Variants in INPP4B observed in about 807,000 individuals in gnomAD.
INPP4B encodes inositol polyphosphate 4-phosphatase type II.
INPP4B carries 55 observed loss-of-function variants against 122.5 expected under a neutral mutation model. The observed-to-expected ratio is 0.45, with a 90% CI of 0.36 to 0.56. The LOEUF (loss-of-function observed/expected upper bound fraction) is 0.56, where lower values mean the gene tolerates loss of function less well. Ranked by LOEUF, INPP4B falls within the 20% of genes least tolerant of loss-of-function variation. INPP4B has a pLI of 0.00. For missense variants in INPP4B, 1,000 were observed against 1,097.7 expected (o/e 0.91, Z 1.26); for synonymous variants, 403 against 388.7 (o/e 1.04, Z -0.43).
chr4:142,061,939 T>TATATATATA (rs1560980830), intron 25 of INPP4B, among the ~76,000 whole-genome samples: 2 of 104,898 alleles, frequency 1.9e-5, no homozygotes, highest in African/African-American at 8.2e-5. Flanking sequence ...TATATATATA[T>TATATATATA]ATCTGTAACT....
chr4:142,495,668 C>T (rs888647220), intron 2 of INPP4B, among the ~76,000 whole-genome samples: 3 of 152,050 alleles, frequency 2.0e-5, no homozygotes, highest in South Asian at 2.1e-4. Context: ...TCACCATTAC[C>T]GATTTTACCA....
chr4:142,080,559 T>C (rs1354613221), intron 25 of INPP4B, among the ~76,000 whole-genome samples: 1 of 152,160 alleles, frequency 6.6e-6, no homozygotes, highest in Non-Finnish European at 1.5e-5. Context: ...CATGAGCAAA[T>C]GTATTGCATA....
At chr4:142,537,423 T>TAG (rs1476285253) in intron 2 of INPP4B, among the ~76,000 whole-genome samples, 20 of 48,006 alleles carry the variant, frequency 4.2e-4, no homozygotes, top group Non-Finnish European at 6.1e-4. Context: ...TATATATATA[T>TAG]ATATATAGAG....
At chr4:142,846,411 G>A (rs1463731883), upstream of INPP4B, 1 of 152,466 alleles carries the variant, frequency 6.6e-6, no homozygotes, top group African/African-American at 2.4e-5. The surrounding 1 kb of genome is among the most constrained non-coding windows in gnomAD (Gnocchi z 5.1). Context: ...CGCCGGCCGC[G>A]GCTTCGCGAG....
chr4:142,107,580 G>A (rs955214920), intron 23 of INPP4B, among the ~76,000 whole-genome samples: 1 of 152,000 alleles, frequency 6.6e-6, no homozygotes, highest in Non-Finnish European at 1.5e-5. Flanking sequence ...TTAAAGGCTT[G>A]GGTGCCTTAA....
intron 17 of INPP4B, among the ~76,000 whole-genome samples, chr4:142,150,610 CA>C (rs1411132406): frequency 1.3e-5 from 2 of 152,164 alleles, no homozygotes; most frequent in African/African-American, 4.8e-5. Context: ...GGGGAACCAG[CA>C]GCAATATTTA....
In INPP4B at chr4:142,206,322, A is replaced by G. The variant is rs1340773529; in HGVS notation, c.1072+2103T>C. On this transcript the variant is annotated intron_variant, in intron 14 of 25. Coordinates refer to ENST00000262992, the MANE Select transcript of INPP4B (RefSeq NM_001101669.3). The stretch of plus-strand genomic sequence containing the variant: ...ACACATTCAGGCCACAGCAGCTTCT[A>G]AATGCCTTGGGCCCATCCATCTCTC... 1.1e-4 allele frequency among the ~76,000 whole-genome samples: 17 copies of G among 148,884 alleles called. No homozygotes were observed. The Admixed American group carries it at 1.1e-3, about 10-fold the overall frequency.
At chr4:142,308,993 C>T (rs1764450002) in intron 8 of INPP4B, among the ~76,000 whole-genome samples, 1 of 152,084 alleles carries the variant, frequency 6.6e-6, no homozygotes, top group Non-Finnish European at 1.5e-5. Flanking sequence ...CTTATGAAGT[C>T]TGCGGTCTTG....
rs1330896601 is a variant in INPP4B at position 142,026,652 on chromosome 4, A to AGAT, written c.*2127_*2129dup. The AGAT allele has an allele frequency of 3.3e-5, 5 of 152,334 alleles. No individual in the cohort carries two copies. The highest frequency in any genetic ancestry group is 1.2e-4 in the African/African-American group (5 of 41,576). The allele number at this position is 152,334 out of a possible 1,614,324, so 9.4% of individuals were successfully genotyped here. On this transcript the variant is annotated 3_prime_UTR_variant, in exon 26 of 26. Coordinates refer to ENST00000262992, the MANE Select transcript of INPP4B (RefSeq NM_001101669.3). ...CAGCTAATTTTTGTATCTTTAGTAG[A>AGAT]GATGGGGTTTCACCATGTTGGCCAG...
At chr4:142,085,192 G>C (rs554269800) in intron 24 of INPP4B, among the ~76,000 whole-genome samples, 207 of 152,222 alleles carry the variant, frequency 1.4e-3, no homozygotes, top group African/African-American at 4.8e-3. Flanking sequence ...ATTTCATATG[G>C]GCTCATGGTA....
At chr4:142,280,162 A>T (rs529650745) in intron 9 of INPP4B, among the ~76,000 whole-genome samples, 174 of 151,996 alleles carry the variant, frequency 1.1e-3, no homozygotes, top group Non-Finnish European at 2.0e-3. Context: ...TTAAACACAC[A>T]CTTACATAAA....
intron 2 of INPP4B, among the ~76,000 whole-genome samples, chr4:142,648,570 G>A (rs923009139): frequency 2.0e-5 from 3 of 152,230 alleles, no homozygotes. Flanking sequence ...ATCACTGCCA[G>A]TGCAGCAATA....
At chr4:142,180,101 C>T (rs1234111780) in intron 15 of INPP4B, among the ~76,000 whole-genome samples, 3 of 152,118 alleles carry the variant, frequency 2.0e-5, no homozygotes, top group African/African-American at 7.2e-5. Context: ...TGACTGCAAA[C>T]AGGCATGAGA....
intron 9 of INPP4B, among the ~76,000 whole-genome samples, chr4:142,282,188 A>AAC (rs1398713671): frequency 6.6e-6 from 1 of 152,030 alleles, no homozygotes; most frequent in African/African-American, 2.4e-5. Flanking sequence ...ATGACATTTG[A>AAC]ACACACACCT....
At chr4:142,584,993 G>A (rs1012235769) in intron 2 of INPP4B, among the ~76,000 whole-genome samples, 1 of 152,076 alleles carries the variant, frequency 6.6e-6, no homozygotes, top group African/African-American at 2.4e-5. Context: ...AATTCTTCCA[G>A]CTTTGACCAC....
intron 11 of INPP4B, among the ~76,000 whole-genome samples, chr4:142,255,418 T>TA (rs1260539190): frequency 2.0e-5 from 3 of 152,050 alleles, no homozygotes; most frequent in Admixed American, 6.6e-5. Flanking sequence ...GCAAATTGGA[T>TA]AAAGAGTCAA....
intron 5 of INPP4B, among the ~76,000 whole-genome samples, chr4:142,410,477 G>A (rs1276393466): frequency 6.6e-6 from 1 of 152,138 alleles, no homozygotes. Context: ...ACAAAGCAGT[G>A]GCCACAGGTG....
chr4:142,751,138 CT>C (rs1769626425), intron 1 of INPP4B, among the ~76,000 whole-genome samples: 1 of 151,776 alleles, frequency 6.6e-6, no homozygotes, highest in Non-Finnish European at 1.5e-5. Flanking sequence ...CCCATGTAAG[CT>C]CCATGTTAGA....
intron 17 of INPP4B, among the ~76,000 whole-genome samples, chr4:142,151,783 C>G (rs1814063441): frequency 6.6e-6 from 1 of 152,132 alleles, no homozygotes; most frequent in Admixed American, 6.5e-5. Flanking sequence ...CAAAATGAAA[C>G]CTTTATCCAG....
Sources: allele counts gnomAD v4.1 joint callset (sites outside exome capture counted in the v4.1 genomes callset), GRCh38; gene constraint gnomAD v4.1.1; non-coding constraint Gnocchi (gnomAD v3.1); transcripts MANE v1.5; gene names NCBI Gene and HGNC (gene_info 2026-07-23, HGNC 2026-07-21).